Variants in SHPRH observed in about 807,000 individuals in gnomAD.
SHPRH encodes SNF2 histone linker PHD RING helicase, also known as E3 ubiquitin-protein ligase SHPRH.
A neutral mutation model predicts 202.5 loss-of-function variants in SHPRH; 106 were observed. The observed-to-expected ratio is 0.52, with a 90% CI of 0.45 to 0.62. The LOEUF (loss-of-function observed/expected upper bound fraction) is 0.62. Ranked by LOEUF, SHPRH falls within the 20% of genes least tolerant of loss-of-function variation. SHPRH has a pLI of 0.00. For missense variants in SHPRH, 1,710 were observed against 2,020.0 expected (o/e 0.85, Z 2.94); for synonymous variants, 729 against 686.0 (o/e 1.06, Z -0.98).
intron 3 of SHPRH, among the ~76,000 whole-genome samples, 197 bp from the exon 4 acceptor site, chr6:145,950,679 T>C (rs900201869): frequency 6.6e-6 from 1 of 152,114 alleles, no homozygotes; most frequent in Non-Finnish European, 1.5e-5. Flanking sequence ...GTTTAACTGA[T>C]ACTTTTTCCA....
In SHPRH at chr6:145,941,746, A is replaced by C. The variant is rs1177630809; in HGVS notation, c.2367T>G (p.Ser789Arg). 1 of 1,613,938 alleles carries C rather than the reference A, an allele frequency of 6.2e-7. No homozygotes were observed. The highest frequency in any genetic ancestry group is 8.5e-7 in the Non-Finnish European group (1 of 1,179,986). Residue 789 changes from serine (S) to arginine (R), a missense_variant, in exon 10 of 30, where the codon AGT becomes AGG. Around this residue, in one of 8 missense-constraint regions of SHPRH, gnomAD observed 277 missense variants for 363.0 expected, o/e 0.76. Coordinates refer to ENST00000275233, the MANE Select transcript of SHPRH (RefSeq NM_001042683.3). ...LNYVDIPHSN[S>R]EDGRRLRNQK... ...GGTTCCGTAGGCGACGCCCATCCTC[A>C]CTATTGCTATGTGGGATATCGACAT... is the stretch of plus-strand genomic sequence containing the variant.
rs186908471 is a variant in SHPRH, at chr6:145,954,139, A to G, written c.633+551T>C. ...GGAATTACCAGGGAAGGGGAAGGGA[A>G]CAACTCAAGCAGAAGGAACTATAAG... On this transcript the variant is annotated intron_variant, in intron 2 of 29. Coordinates refer to ENST00000275233, the MANE Select transcript of SHPRH (RefSeq NM_001042683.3). Among the ~76,000 whole-genome samples, 550 of 129,480 alleles carry G rather than the reference A, an allele frequency of 4.2e-3. 2 individuals carry two copies. The highest frequency in any genetic ancestry group is 7.1e-3 in the Non-Finnish European group (385 of 54,010). The allele number at this position is 129,480 out of a possible 152,430, so 84.9% of individuals were successfully genotyped here. A position where few individuals can be genotyped will look rare whatever the true frequency, so the allele number is the denominator to read the frequency against.
At chr6:145,906,912 G>A (rs1049918869) in intron 25 of SHPRH, 1 of 152,200 alleles carries the variant, frequency 6.6e-6, no homozygotes, top group African/African-American at 2.4e-5. Context: ...GAGCTTCCCT[G>A]TGGTCTTTGT....
chr6:145,906,428 A>C (rs1782964435), intron 25 of SHPRH: 1 of 152,050 alleles, frequency 6.6e-6, no homozygotes, highest in Non-Finnish European at 1.5e-5. Flanking sequence ...TCCCATTCTC[A>C]GATAAGAACA....
At chr6:145,872,552 G>A (rs1780103000) in intron 2 of SHPRH, among the ~76,000 whole-genome samples, 1 of 152,144 alleles carries the variant, frequency 6.6e-6, no homozygotes, top group South Asian at 2.1e-4. Context: ...ATGCTGATGA[G>A]GATGTGAAGA....
At chr6:145,952,679 G>A (rs2128801052) in intron 2 of SHPRH, among the ~76,000 whole-genome samples, 1 of 152,074 alleles carries the variant, frequency 6.6e-6, no homozygotes. Context: ...TGCCTACAAT[G>A]TACAATTCGA....
At chr6:145,881,540 T>C (rs973651154), downstream of SHPRH, 2 of 152,186 alleles carry the variant, frequency 1.3e-5, no homozygotes, top group African/African-American at 4.8e-5. Context: ...AGGCCTTGAA[T>C]CCCTTTAAGA....
chr6:145,926,131 G>A lies in SHPRH; in HGVS notation c.3294+73C>T, dbSNP rs975274613. ...TTTATTTGTATGTTGTATGTCCTAG[G>A]ATATATCAACTATATGGAGCATAAA... On this transcript the variant is annotated intron_variant, in intron 16 of 29. Transcript: ENST00000275233. The A allele has an allele frequency of 8.0e-6, 10 of 1,257,434 alleles. No individual in the cohort carries two copies. In the African/African-American group the frequency reaches 1.3e-4, roughly 17 times the overall value. 77.9% of individuals were successfully genotyped at this position (1,257,434 alleles called of 1,614,324 possible).
In SHPRH at chr6:145,864,353, CA is replaced by C; in HGVS notation, c.359del (p.Leu120Ter). On this transcript the variant is annotated frameshift_variant, in exon 3 of 3. Coordinates refer to the SHPRH transcript ENST00000417762. LOFTEE classifies it high-confidence loss of function. Reference sequence around the variant, plus strand: ...TTGAAAAAGATGATAAAAAACAAATCAAAAAATTTTTAAAGTAAATAAAAAA... The same window carrying C: ...TTGAAAAAGATGATAAAAAACAAATCAAAAATTTTTAAAGTAAATAAAAAA... The C allele has an allele frequency of 7.2e-6, 3 of 414,060 alleles. No individual in the cohort carries two copies. The highest frequency in any genetic ancestry group is 1.9e-5 in the South Asian group (1 of 52,122). The allele number at this position is 414,060 out of a possible 1,614,324, so 25.6% of individuals were successfully genotyped here.
In SHPRH at chr6:145,943,177, T is replaced by C. The variant is rs773356232; in HGVS notation, c.2204A>G (p.Asn735Ser). 10 of 1,610,474 alleles carry C rather than the reference T, an allele frequency of 6.2e-6. No homozygotes were observed. Among genetic ancestry groups the C allele is most frequent in the Non-Finnish European group, 7.6e-6 (9 of 1,177,854 alleles). Residue 735 changes from asparagine (N) to serine (S), a missense_variant, in exon 9 of 30, where the codon AAC becomes AGC. This residue lies in a region of SHPRH where 277 missense variants were observed against 363.0 expected (regional missense o/e 0.76). Transcript: ENST00000275233. ...AAGAGATGACGACCTCACATGCCTG[T>C]TGATCTCATCCACCCACTGGTGACA... ...SICHQWVDEINRHVRSSSLRV... is the reference protein window; with the variant it reads ...SICHQWVDEISRHVRSSSLRV...
chr6:145,861,420 G>A (rs1184314755), downstream of SHPRH, among the ~76,000 whole-genome samples: 1 of 151,224 alleles, frequency 6.6e-6, no homozygotes, highest in Non-Finnish European at 1.5e-5. Context: ...TGCTAGACTG[G>A]CTATTATCAA....
At chr6:145,899,106 A>G (rs1435773401) in intron 25 of SHPRH, among the ~76,000 whole-genome samples, 1 of 152,126 alleles carries the variant, frequency 6.6e-6, no homozygotes, top group Non-Finnish European at 1.5e-5. Context: ...GAGTCACTGC[A>G]TCTGGCCGTA....
At chr6:145,860,747 ATAT>A (rs1779552802), downstream of SHPRH, among the ~76,000 whole-genome samples, 1 of 152,154 alleles carries the variant, frequency 6.6e-6, no homozygotes, top group African/African-American at 2.4e-5. Flanking sequence ...ACATCAAAAC[ATAT>A]TATAAAGCTA....
intron 27 of SHPRH, 61 bp downstream of exon 27, chr6:145,894,089 A>T: frequency 1.6e-6 from 2 of 1,239,016 alleles, no homozygotes; most frequent in Non-Finnish European, 2.3e-6. Context: ...TAAGCTAGTT[A>T]ACAGCAGTTT....
rs766465937 is a variant in SHPRH at position 145,955,217 on chromosome 6, T to C, written c.106A>G (p.Ile36Val). The change falls in exon 2 of 30, where the codon ATA becomes GTA. Residue 36 changes from isoleucine to valine, a missense_variant. By Grantham distance (29) the Ile-to-Val change is conservative. Around this residue, in one of 8 missense-constraint regions of SHPRH, gnomAD observed 459 missense variants for 426.5 expected, o/e 1.08. Coordinates refer to ENST00000275233, the MANE Select transcript of SHPRH (RefSeq NM_001042683.3). ...CAGGGCTGCTCGTCATCATCACTTA[T>C]GATGATAGGTTCATTCCTTCTGTCC... is the stretch of plus-strand genomic sequence containing the variant. Reference protein sequence around the residue: ...HEDRRNEPIIISDDDEQPCPG... With the variant: ...HEDRRNEPIIVSDDDEQPCPG... 10 of 1,613,610 alleles carry C rather than the reference T, an allele frequency of 6.2e-6. No homozygotes were observed. Among genetic ancestry groups the C allele is most frequent in the African/African-American group, 5.3e-5 (4 of 74,900 alleles).
Position 145,922,685 on chromosome 6 carries a change from G to T in SHPRH, c.3697C>A (p.Pro1233Thr), listed in dbSNP as rs1784525272. 6.2e-7 allele frequency: 1 copy of T among 1,608,318 alleles called. No individual in the cohort carries two copies. The highest frequency in any genetic ancestry group is 1.7e-5 in the Admixed American group (1 of 59,102). Residue 1233 changes from proline to threonine, a missense_variant, in exon 19 of 30, where the codon CCA becomes ACA. Physicochemically the swap from Pro to Thr is conservative, Grantham distance 38. This residue lies in a region of SHPRH where 288 missense variants were observed against 317.8 expected (regional missense o/e 0.91). Coordinates refer to ENST00000275233, the MANE Select transcript of SHPRH (RefSeq NM_001042683.3). ...IESATVCHLRPARLPLNCCVF... is the reference protein window; with the variant it reads ...IESATVCHLRTARLPLNCCVF... ...TACCAGTTGAGAGGAAGTCTGGCTGGTCGGAGGTGACAGACTGTTGCAGAC... is the reference window on the plus strand; with the variant it reads ...TACCAGTTGAGAGGAAGTCTGGCTGTTCGGAGGTGACAGACTGTTGCAGAC...
chr6:145,931,587 C>G (rs1369999612), intron 14 of SHPRH, among the ~76,000 whole-genome samples: 2 of 152,142 alleles, frequency 1.3e-5, no homozygotes, highest in Non-Finnish European at 2.9e-5. Context: ...CTGCCTGCCT[C>G]GGCTTCCCAA....
intron 20 of SHPRH, among the ~76,000 whole-genome samples, chr6:145,921,981 A>G (rs1288176909): frequency 3.3e-5 from 5 of 152,074 alleles, no homozygotes; most frequent in African/African-American, 1.2e-4. Flanking sequence ...GAATAGCAGT[A>G]AAATGCTAGC....
rs1405748817 is a variant in SHPRH at position 145,904,233 on chromosome 6, AAAT to A, written c.4515+6212_4515+6214del. On this transcript the variant is annotated intron_variant, in intron 25 of 29. Coordinates refer to ENST00000275233, the MANE Select transcript of SHPRH (RefSeq NM_001042683.3). ...TGAGAATCTTGACATAAATACAGTG[AAAT>A]AATCATTTCAGAAATAAATTTTATA... is the stretch of plus-strand genomic sequence containing the variant. The A allele has an allele frequency of 2.6e-5, 4 of 152,066 alleles. No homozygotes were observed. In the South Asian group the frequency reaches 6.2e-4, roughly 24 times the overall value. 9.4% of individuals were successfully genotyped at this position (152,066 alleles called of 1,614,324 possible).
Sources: gnomAD v4.1 joint callset for allele counts (sites outside exome capture counted in the v4.1 genomes callset) on GRCh38, gnomAD v4.1.1 for gene constraint, gnomAD v4.1.1 regional missense constraint, MANE v1.5 for transcripts, NCBI Gene and HGNC (gene_info 2026-07-23, HGNC 2026-07-21) for gene names.